The following PHF24 variants were observed in gnomAD, a reference collection of about 807,000 sequenced individuals.
The protein encoded by PHF24 is Galpha inhibitory interacting protein.
A neutral mutation model predicts 42.6 loss-of-function variants in PHF24; 25 were observed. That is an observed-to-expected ratio of 0.59 (90% confidence interval 0.43 to 0.82). The LOEUF is 0.82. PHF24 is among the 40% of genes least tolerant of loss of function. The probability of loss-of-function intolerance (pLI) is 0.00; values close to 1 mark genes in which losing one functional copy is unlikely to be tolerated. For synonymous variants in PHF24, 185 were observed against 204.8 expected (o/e 0.90, Z 0.83); for missense variants, 470 against 538.1 (o/e 0.87, Z 1.25).
chr9:34,759,130 G>A, the PHF24 span, among the ~76,000 whole-genome samples: 1 of 152,150 alleles, frequency 6.6e-6, no homozygotes, highest in Non-Finnish European at 1.5e-5. Context: ...CTGTCACTGA[G>A]CTGCCCTGTA....
chr9:34,808,749 T>C, the PHF24 span, among the ~76,000 whole-genome samples: 2 of 151,828 alleles, frequency 1.3e-5, no homozygotes, highest in Non-Finnish European at 2.9e-5. Flanking sequence ...AAGCCCTTTT[T>C]AAAAGGCATT....
the PHF24 span, among the ~76,000 whole-genome samples, chr9:34,756,913 C>G: frequency 6.6e-6 from 1 of 151,510 alleles, no homozygotes; most frequent in Admixed American, 6.6e-5. Flanking sequence ...CTTTTCTTTT[C>G]TTTTCTTTTT....
At chr9:34,711,512 T>A in the PHF24 span, among the ~76,000 whole-genome samples, 1 of 149,688 alleles carries the variant, frequency 6.7e-6, no homozygotes, top group East Asian at 2.0e-4. Context: ...GGATTACAAG[T>A]GTGAACCAGC....
the PHF24 span, chr9:34,895,917 A>G: frequency 1.0e-5 from 4 of 388,254 alleles, no homozygotes; most frequent in Non-Finnish European, 1.4e-5. Context: ...GAGGCTTACT[A>G]TGGTGATTCA....
At chr9:34,746,452 A>G in the PHF24 span, among the ~76,000 whole-genome samples, 2 of 152,232 alleles carry the variant, frequency 1.3e-5, no homozygotes, top group Non-Finnish European at 2.9e-5. Context: ...AAAATCAGCA[A>G]TACACTATGA....
the PHF24 span, among the ~76,000 whole-genome samples, chr9:34,860,667 C>CT: frequency 1.3e-5 from 2 of 149,654 alleles, no homozygotes; most frequent in African/African-American, 5.0e-5. Context: ...ATTGATGACT[C>CT]TTATAATGAG....
chr9:34,815,811 A>G, the PHF24 span, among the ~76,000 whole-genome samples: 1 of 152,208 alleles, frequency 6.6e-6, no homozygotes, highest in Admixed American at 6.5e-5. Flanking sequence ...TTCCAGGACT[A>G]CAAATCAATA....
the PHF24 span, among the ~76,000 whole-genome samples, chr9:34,812,329 GTGC>G: frequency 6.6e-5 from 10 of 152,188 alleles, no homozygotes; most frequent in African/African-American, 1.9e-4. Flanking sequence ...TGGAACCCTG[GTGC>G]ATTGCTGGTG....
rs372213336 is a variant in PHF24 at position 34,977,158 on chromosome 9, A to G, written c.925A>G (p.Ser309Gly). 4.3e-4 allele frequency: 686 copies of G among 1,613,610 alleles called. 2 individuals are homozygous for G. Among genetic ancestry groups the G allele is most frequent in the Non-Finnish European group, 5.7e-4 (672 of 1,179,822 alleles). Residue 309 changes from serine to glycine, a missense_variant, in exon 6 of 8, where the codon AGC becomes GGC. Transcript: ENST00000242315. ...CGCCTTCCTGGCTCGGGGCAGTGGGAGCACCGTCAGTGAGGCAGAGTGCCG... is the reference window on the plus strand; with the variant it reads ...CGCCTTCCTGGCTCGGGGCAGTGGGGGCACCGTCAGTGAGGCAGAGTGCCG...
chr9:34,820,300 A>G, the PHF24 span, among the ~76,000 whole-genome samples: 1 of 152,104 alleles, frequency 6.6e-6, no homozygotes, highest in Non-Finnish European at 1.5e-5. Flanking sequence ...TTGTGTGAAC[A>G]CAGGAGTTTG....
At chr9:34,935,976 A>C in the PHF24 span, among the ~76,000 whole-genome samples, 1 of 151,150 alleles carries the variant, frequency 6.6e-6, no homozygotes, top group Non-Finnish European at 1.5e-5. Context: ...CCAAGTATCT[A>C]GGGTGAATAA....
the PHF24 span, chr9:34,709,992 C>G: frequency 1.2e-6 from 2 of 1,614,102 alleles, no homozygotes; most frequent in Non-Finnish European, 1.7e-6. Flanking sequence ...CCCTCCCTGC[C>G]TTGGTACCTT....
chr9:34,937,050 A>G, the PHF24 span, among the ~76,000 whole-genome samples: 32 of 138,034 alleles, frequency 2.3e-4, no homozygotes, highest in African/African-American at 8.3e-4. Context: ...CCCCCGGGCC[A>G]GCCGCCCCGT....
At chr9:34,693,195 T>C in the PHF24 span, among the ~76,000 whole-genome samples, 4 of 152,198 alleles carry the variant, frequency 2.6e-5, no homozygotes, top group Admixed American at 2.6e-4. Flanking sequence ...TGGTTCTGGT[T>C]ATTCTGTTTG....
At chr9:34,675,003 C>T in the PHF24 span, among the ~76,000 whole-genome samples, 2 of 152,060 alleles carry the variant, frequency 1.3e-5, no homozygotes, top group Non-Finnish European at 2.9e-5. Flanking sequence ...ACTACAGGTG[C>T]GTGCCACTAC....
the PHF24 span, among the ~76,000 whole-genome samples, chr9:34,945,611 C>T: frequency 2.6e-5 from 4 of 152,172 alleles, no homozygotes; most frequent in East Asian, 1.9e-4. Flanking sequence ...TCTGTTGTCT[C>T]GGGAGTGGAT....
the PHF24 span, among the ~76,000 whole-genome samples, chr9:34,902,276 T>C: frequency 6.7e-6 from 1 of 148,980 alleles, no homozygotes; most frequent in African/African-American, 2.4e-5. Context: ...TAAATATTAC[T>C]GATAGTTACT....
the PHF24 span, among the ~76,000 whole-genome samples, chr9:34,671,859 C>T: frequency 6.3e-3 from 952 of 150,856 alleles, 8 homozygotes; most frequent in African/African-American, 0.022. Flanking sequence ...ATCCATGTGT[C>T]TATATGTCTA....
the PHF24 span, among the ~76,000 whole-genome samples, chr9:34,688,484 A>C: frequency 5.3e-5 from 8 of 152,270 alleles, no homozygotes; most frequent in Admixed American, 3.3e-4. Context: ...CTCTGGTCTC[A>C]GTGTTGCCTT....
Sources: allele counts gnomAD v4.1 joint callset (sites outside exome capture counted in the v4.1 genomes callset), GRCh38; gene constraint gnomAD v4.1.1; transcripts MANE v1.5; gene names NCBI Gene and HGNC (gene_info 2026-07-23, HGNC 2026-07-21).